Variants in TTLL8 observed in about 807,000 individuals in gnomAD.
TTLL8 encodes protein monoglycylase TTLL8.
In TTLL8, 65 loss-of-function variants were observed where a neutral mutation model predicts 77.8. The observed-to-expected ratio is 0.84, with a 90% confidence interval of 0.68 to 1.03. TTLL8 has a LOEUF of 1.03. TTLL8 is among the 50% of genes least tolerant of loss of function. The pLI is 0.00. For synonymous variants in TTLL8, 402 were observed against 422.8 expected (o/e 0.95, Z 0.60); for missense variants, 910 against 1,004.5 (o/e 0.91, Z 1.27).
At chr22:50,046,075 G>A in intron 4 of TTLL8, 105 bp from the exon 7 acceptor site, 1 of 1,066,860 alleles carries the variant, frequency 9.4e-7, no homozygotes, top group Non-Finnish European at 1.3e-6. Flanking sequence ...CTGGCTATGG[G>A]GCACCACACA....
In TTLL8 at chr22:50,044,091, G is replaced by A. The variant is rs1391331351; in HGVS notation, c.643+1164C>T. Reference sequence around the variant, plus strand: ...TGTAATCCCAGCACTGTGGGAGGCCGAGGTGGGCGGATCACCTGAAGTCAG... The same window carrying A: ...TGTAATCCCAGCACTGTGGGAGGCCAAGGTGGGCGGATCACCTGAAGTCAG... On this transcript the variant is annotated intron_variant, in intron 6 of 13. Coordinates refer to ENST00000266182, the Ensembl canonical transcript of TTLL8. The surrounding 1 kb of genome is among the most constrained non-coding windows in gnomAD (Gnocchi z 4.2). Among the ~76,000 whole-genome samples, 3 of 152,168 alleles carry A rather than the reference G, an allele frequency of 2.0e-5. No individual in the cohort carries two copies. Among genetic ancestry groups the A allele is most frequent in the Admixed American group, 6.5e-5 (1 of 15,278 alleles).
At chr22:50,028,530 G>A (rs540121290) in intron 12 of TTLL8, among the ~76,000 whole-genome samples, 6 of 152,174 alleles carry the variant, frequency 3.9e-5, no homozygotes, top group Admixed American at 2.6e-4. Context: ...CCCCTGAATC[G>A]CAGTGGGAAT....
chr22:50,046,069 C>A, intron 4 of TTLL8, 99 bp from the exon 7 acceptor site: 1 of 1,112,800 alleles, frequency 9.0e-7, no homozygotes, highest in South Asian at 1.4e-5. Flanking sequence ...ACTTGCCTGG[C>A]TATGGGGCAC....
intron 12 of TTLL8, chr22:50,027,743 C>G (rs1011228856): frequency 2.0e-6 from 2 of 985,464 alleles, no homozygotes; most frequent in African/African-American, 3.5e-5. Context: ...GTGCGGTTGC[C>G]TGACTGTCAC....
In TTLL8 at chr22:50,051,151, C is replaced by T. The variant is rs189790964; in HGVS notation, c.52-904G>A. On this transcript the variant is annotated intron_variant, in intron 1 of 13. Coordinates refer to ENST00000266182, the Ensembl canonical transcript of TTLL8. ...TGCTGGGATTACAGGCGTGAGCCAC[C>T]GCGCCCAGCCCCAATATGTAATCTT... Among the ~76,000 whole-genome samples, 77 of 152,340 alleles carry T rather than the reference C, an allele frequency of 5.1e-4. No individual in the cohort carries two copies. In the East Asian group the frequency reaches 5.6e-3, roughly 11 times the overall value.
intron 12 of TTLL8, chr22:50,030,090 G>C (rs902162275): frequency 2.3e-6 from 2 of 862,134 alleles, no homozygotes; most frequent in African/African-American, 3.6e-5. Flanking sequence ...TGCTGTTCAC[G>C]GCGCTGTTCA....
At chr22:50,029,734 A>T (rs1422393786) in intron 12 of TTLL8, among the ~76,000 whole-genome samples, 1 of 151,902 alleles carries the variant, frequency 6.6e-6, no homozygotes, top group African/African-American at 2.4e-5. Flanking sequence ...CTGTCTCAAA[A>T]AAACAAAAAA....
At chr22:50,045,830 G>A in intron 5 of TTLL8, 26 bp downstream of exon 7, 3 of 1,316,074 alleles carry the variant, frequency 2.3e-6, no homozygotes, top group Non-Finnish European at 2.0e-6. Flanking sequence ...GACAGCACTG[G>A]GGCCCTCTGC....
In TTLL8 at chr22:50,044,417, C is replaced by T. The variant is rs1006769412; in HGVS notation, c.643+838G>A. Among the ~76,000 whole-genome samples, 1 of 152,132 alleles carries T rather than the reference C, an allele frequency of 6.6e-6. No individual in the cohort carries two copies. The highest frequency in any genetic ancestry group is 1.5e-5 in the Non-Finnish European group (1 of 68,028). ...CTACAACCTAACTCAGAATTGAAAA[C>T]GGAATGTAAGCACAGCCAATCACAG... On this transcript the variant is annotated intron_variant, in intron 6 of 13. Transcript: ENST00000266182. This position sits in a 1 kb window ranked among gnomAD's most constrained non-coding sequence, Gnocchi z 4.2.
chr22:50,043,652 G>T (rs2061390042), intron 6 of TTLL8, among the ~76,000 whole-genome samples: 1 of 152,092 alleles, frequency 6.6e-6, no homozygotes. Flanking sequence ...AATAAACAGT[G>T]GTAGATCTAG....
At chr22:50,040,239 C>T (rs531671012) in intron 8 of TTLL8, among the ~76,000 whole-genome samples, 8 of 147,718 alleles carry the variant, frequency 5.4e-5, no homozygotes, top group Admixed American at 4.1e-4. Flanking sequence ...CTTGTGCCGG[C>T]GTAGGCAGAC....
intron 1 of TTLL8, 130 bp from the exon 4 acceptor site, chr22:50,050,377 T>C: frequency 2.1e-5 from 1 of 47,228 alleles, no homozygotes; most frequent in Non-Finnish European, 2.6e-5. Context: ...AATATGTCCT[T>C]TTTTTTTTTT....
At chr22:50,047,387 T>G in intron 3 of TTLL8, 91 bp from the exon 6 acceptor site, 1 of 1,125,868 alleles carries the variant, frequency 8.9e-7, no homozygotes, top group Non-Finnish European at 1.2e-6. Flanking sequence ...AGAGGACAAA[T>G]GGCGTGCAGC....
intron 8 of TTLL8, among the ~76,000 whole-genome samples, chr22:50,035,339 G>A (rs753476795): frequency 1.1e-4 from 16 of 152,196 alleles, no homozygotes; most frequent in South Asian, 2.1e-4. Flanking sequence ...ACAGGACATC[G>A]GGGTTCCATT....
intron 8 of TTLL8, among the ~76,000 whole-genome samples, chr22:50,036,030 C>G (rs2061333916): frequency 6.6e-6 from 1 of 152,222 alleles, no homozygotes; most frequent in South Asian, 2.1e-4. Context: ...TGGCAAAGTC[C>G]AGGAACCATG....
At chr22:50,040,474 C>T (rs2061363901) in intron 8 of TTLL8, among the ~76,000 whole-genome samples, 2 of 152,230 alleles carry the variant, frequency 1.3e-5, no homozygotes, top group Admixed American at 1.3e-4. Context: ...AAAACTGGTT[C>T]ATGGTTGCAG....
At chr22:50,030,061 G>T in intron 12 of TTLL8, 2 of 725,128 alleles carry the variant, frequency 2.8e-6, no homozygotes, top group Non-Finnish European at 3.4e-6. Context: ...TTGGCCCCTC[G>T]CTCGGCCAGG....
chr22:50,042,305 A>G (rs773465059), intron 6 of TTLL8, among the ~76,000 whole-genome samples: 9 of 152,182 alleles, frequency 5.9e-5, no homozygotes, highest in Non-Finnish European at 8.8e-5. Context: ...ATAAGAAAAC[A>G]TAATTTTATT....
intron 12 of TTLL8, among the ~76,000 whole-genome samples, chr22:50,024,170 T>A (rs1478134884): frequency 6.6e-6 from 1 of 152,232 alleles, no homozygotes; most frequent in African/African-American, 2.4e-5. Flanking sequence ...GGAGTCTCTC[T>A]CTGTCAACCA....
Sources: allele counts gnomAD v4.1 joint callset (sites outside exome capture counted in the v4.1 genomes callset), GRCh38; gene constraint gnomAD v4.1.1; non-coding constraint Gnocchi (gnomAD v3.1); transcripts MANE v1.5; gene names NCBI Gene and HGNC (gene_info 2026-07-23, HGNC 2026-07-21).